The following SYBU variants were observed in gnomAD, a reference collection of about 807,000 sequenced individuals.
SYBU encodes syntabulin, also known as GOLSYN A protein.
In SYBU, 21 loss-of-function variants were observed where a neutral mutation model predicts 35.9. The ratio of observed to expected loss-of-function variants is 0.58; its 90% confidence interval spans 0.41 to 0.84. The LOEUF (loss-of-function observed/expected upper bound fraction) is 0.84. Ranked by LOEUF, SYBU falls within the 40% of genes least tolerant of loss-of-function variation. The pLI is 0.00. For synonymous variants in SYBU, 319 were observed against 324.3 expected, an observed-to-expected ratio of 0.98 and a Z score of 0.18; for missense variants, 768 against 848.2, an observed-to-expected ratio of 0.91 and a Z score of 1.17.
chr8:109,670,502 A>T (rs1321824283), intron 1 of SYBU, among the ~76,000 whole-genome samples: 1 of 152,034 alleles, frequency 6.6e-6, no homozygotes, highest in Non-Finnish European at 1.5e-5. Context: ...AATAATTTTC[A>T]TGTATACTAG....
intron 1 of SYBU, among the ~76,000 whole-genome samples, chr8:109,657,185 A>G (rs985674689): frequency 3.3e-5 from 5 of 152,194 alleles, no homozygotes; most frequent in African/African-American, 1.2e-4. Flanking sequence ...AAGTAGACGT[A>G]TAAACTTTTC....
intron 2 of SYBU, among the ~76,000 whole-genome samples, chr8:109,640,819 C>CAAAAAA (rs33993476): frequency 1.2e-5 from 1 of 82,064 alleles, no homozygotes; most frequent in African/African-American, 4.0e-5. Flanking sequence ...AATTAGTTAG[C>CAAAAAA]AAAAAAAAAA....
chr8:109,624,011 A>G (rs1445649112), intron 2 of SYBU, among the ~76,000 whole-genome samples: 2 of 152,196 alleles, frequency 1.3e-5, no homozygotes, highest in Non-Finnish European at 2.9e-5. Context: ...TCTGTCATTG[A>G]AAATTTCTCC....
intron 2 of SYBU, among the ~76,000 whole-genome samples, chr8:109,620,701 T>G (rs1029664517): frequency 1.3e-5 from 2 of 152,138 alleles, no homozygotes; most frequent in African/African-American, 2.4e-5. Flanking sequence ...TACGTTGCGT[T>G]CTTCCTGAAC....
At chr8:109,650,946 A>C (rs1161062130) in intron 1 of SYBU, among the ~76,000 whole-genome samples, 2 of 152,226 alleles carry the variant, frequency 1.3e-5, no homozygotes, top group Non-Finnish European at 2.9e-5. Context: ...ATTTACTTTC[A>C]GGCTTATCTA....
At chr8:109,604,285 A>C (rs1825843112) in intron 3 of SYBU, among the ~76,000 whole-genome samples, 1 of 152,190 alleles carries the variant, frequency 6.6e-6, no homozygotes, top group African/African-American at 2.4e-5. Context: ...CAAATCCCTA[A>C]GTGTCTTTGC....
At chr8:109,611,002 G>C (rs1811107432) in intron 3 of SYBU, among the ~76,000 whole-genome samples, 1 of 152,226 alleles carries the variant, frequency 6.6e-6, no homozygotes, top group Admixed American at 6.5e-5. Flanking sequence ...CAATTAGGGA[G>C]GTGGGGAAAG....
chr8:109,604,510 T>C (rs533539094), intron 3 of SYBU, among the ~76,000 whole-genome samples: 7 of 152,210 alleles, frequency 4.6e-5, no homozygotes, highest in Non-Finnish European at 1.5e-5. Flanking sequence ...TAAACATTCG[T>C]TTAAAAAAAC....
Position 109,599,157 on chromosome 8 carries a change from C to T in SYBU, c.428-12995G>A, listed in dbSNP as rs188987782. Among the ~76,000 whole-genome samples the T allele has an allele frequency of 1.8e-3, 269 of 152,230 alleles. 2 individuals are homozygous for T. Among genetic ancestry groups the T allele is most frequent in the African/African-American group, 6.2e-3 (256 of 41,522 alleles). The stretch of plus-strand genomic sequence containing the variant: ...AATCATCACTACTCTATTCTGTATC[C>T]CCCACCAGAGAGCAAACAATTAGTG... On this transcript the variant is annotated intron_variant, in intron 3 of 6. Coordinates refer to ENST00000276646, the MANE Select transcript of SYBU (RefSeq NM_001099754.2).
intron 1 of SYBU, among the ~76,000 whole-genome samples, chr8:109,677,286 A>G (rs1244661834): frequency 1.3e-5 from 2 of 152,214 alleles, no homozygotes; most frequent in Admixed American, 6.5e-5. Context: ...CACACAAATA[A>G]TTTGAAATGC....
In SYBU at chr8:109,604,471, C is replaced by T. The variant is rs374195288; in HGVS notation, c.427+14371G>A. On this transcript the variant is annotated intron_variant, in intron 3 of 6. Transcript: ENST00000276646. ...GGATCCCCTAGTTTATTGTTGTACC[C>T]AGTGCCTGGTCACTGCCTAGCACAT... 7.4e-4 allele frequency among the ~76,000 whole-genome samples: 112 copies of T among 152,268 alleles called. 1 individual carries two copies. Among genetic ancestry groups the T allele is most frequent in the African/African-American group, 2.6e-3 (106 of 41,534 alleles).
At chr8:109,620,698 C>T (rs1024701798) in intron 2 of SYBU, among the ~76,000 whole-genome samples, 7 of 152,034 alleles carry the variant, frequency 4.6e-5, no homozygotes, top group Non-Finnish European at 8.8e-5. Flanking sequence ...AAATACGTTG[C>T]GTTCTTCCTG....
At chr8:109,619,243 T>C (rs1426303328) in intron 2 of SYBU, among the ~76,000 whole-genome samples, 1 of 151,784 alleles carries the variant, frequency 6.6e-6, no homozygotes, top group Non-Finnish European at 1.5e-5. Context: ...TTTTTTTTTT[T>C]GAGACAGTCT....
rs1295808773 is a variant in SYBU at position 109,642,661 on chromosome 8, G to C, written c.229+67C>G. 4.5e-6 allele frequency: 5 copies of C among 1,113,082 alleles called. No homozygotes were observed. In the East Asian group the frequency reaches 1.0e-4, roughly 23 times the overall value. 69.0% of individuals were successfully genotyped at this position (1,113,082 alleles called of 1,614,324 possible). On this transcript the variant is annotated intron_variant, in intron 2 of 6. Coordinates refer to ENST00000276646, the MANE Select transcript of SYBU (RefSeq NM_001099754.2). ...CTAGGCTATAAGGGACCCAGTATGGGCCCATTCACAATGCACCTGCAGTGC... is the reference window on the plus strand; with the variant it reads ...CTAGGCTATAAGGGACCCAGTATGGCCCCATTCACAATGCACCTGCAGTGC...
chr8:109,618,865 G>T lies in SYBU; in HGVS notation c.404C>A (p.Ser135Ter), dbSNP rs1319860643. Reference protein sequence around the residue: ...SIQSSRYKKESKSGLVKPGSE... With the variant: ...SIQSSRYKKE ...ACCTGGTTTCACAAGGCCTGACTTT[G>T]ATTCCTTCTTATATCGAGAGGACTG... is the stretch of plus-strand genomic sequence containing the variant. Residue 135 changes from serine (S) to a stop codon, truncating the protein, a stop_gained, in exon 3 of 7, where the codon TCA becomes TAA. Transcript: ENST00000276646. LOFTEE classifies it high-confidence loss of function. The T allele has an allele frequency of 1.9e-6, 3 of 1,614,132 alleles. No homozygotes were observed.
chr8:109,596,529 G>A (rs1824899317), intron 3 of SYBU, among the ~76,000 whole-genome samples: 1 of 152,132 alleles, frequency 6.6e-6, no homozygotes, highest in African/African-American at 2.4e-5. Context: ...TCACATCTAT[G>A]TATTTTTAAA....
At chr8:109,637,243 C>T (rs1249686372) in intron 2 of SYBU, among the ~76,000 whole-genome samples, 1 of 152,174 alleles carries the variant, frequency 6.6e-6, no homozygotes, top group Non-Finnish European at 1.5e-5. Context: ...CAGGCAAACA[C>T]CATACTCTAA....
At chr8:109,659,777 T>C (rs900360372) in intron 1 of SYBU, among the ~76,000 whole-genome samples, 5 of 152,342 alleles carry the variant, frequency 3.3e-5, no homozygotes, top group African/African-American at 7.2e-5. Flanking sequence ...AGGCACACTT[T>C]AATGAATTGA....
rs1817636524 is a variant in SYBU at position 109,691,179 on chromosome 8, A to G, written c.-58+154T>C. 6.6e-6 allele frequency among the ~76,000 whole-genome samples: 1 copy of G among 152,166 alleles called. No individual in the cohort carries two copies. Among genetic ancestry groups the G allele is most frequent in the Non-Finnish European group, 1.5e-5 (1 of 68,022 alleles). On this transcript the variant is annotated intron_variant, in intron 1 of 7. Transcript: ENST00000422135. This position sits in a 1 kb window ranked among gnomAD's most constrained non-coding sequence, Gnocchi z 4.7. ...CATTTTCCACGACCTTCTTCTGTGC[A>G]TCGCCGAGCACCCTGGATACCTCCC...
Sources: allele counts gnomAD v4.1 joint callset (sites outside exome capture counted in the v4.1 genomes callset), GRCh38; gene constraint gnomAD v4.1.1; non-coding constraint Gnocchi (gnomAD v3.1); transcripts MANE v1.5; gene names NCBI Gene and HGNC (gene_info 2026-07-23, HGNC 2026-07-21).